The following ECM2 variants were observed in gnomAD, a reference collection of about 807,000 sequenced individuals.
The protein encoded by ECM2 is extracellular matrix protein 2, female organ and adipocyte specific.
ECM2 carries 57 observed loss-of-function variants against 67.5 expected under a neutral mutation model. That is an observed-to-expected ratio of 0.84 (90% CI 0.68 to 1.05). ECM2 has a LOEUF of 1.05. ECM2 is among the 50% of genes least tolerant of loss of function. The pLI, the probability that ECM2 is intolerant of heterozygous loss-of-function variation, is 0.00. For synonymous variants in ECM2, 258 were observed against 294.5 expected, an observed-to-expected ratio of 0.88 and a Z score of 1.27; for missense variants, 741 against 822.8, an observed-to-expected ratio of 0.90 and a Z score of 1.22.
chr9:92,502,620 T>C lies in ECM2; in HGVS notation c.1497A>G (p.Glu499=). 6.3e-7 allele frequency: 1 copy of C among 1,599,598 alleles called. No individual in the cohort carries two copies. The highest frequency in any genetic ancestry group is 8.6e-7 in the Non-Finnish European group (1 of 1,169,220). ...TATGATTGAAACAAATTTCAGTTAT[T>C]TCTTCAATTTGGTTATTTTCTAGGT... is the stretch of plus-strand genomic sequence containing the variant. ...ELYLENNQIE[E]ITEICFNHTR... Residue 499 remains glutamate (E), a synonymous_variant, in exon 8 of 10, where the codon GAA becomes GAG. Coordinates refer to ENST00000344604, the MANE Select transcript of ECM2 (RefSeq NM_001393.4).
intron 6 of ECM2, among the ~76,000 whole-genome samples, chr9:92,507,304 GAATCT>G (rs1847065925): frequency 1.3e-5 from 2 of 152,176 alleles, no homozygotes; most frequent in East Asian, 3.8e-4. Context: ...AAGGTACTGA[GAATCT>G]GACATCTTTC....
At chr9:92,517,202 G>T (rs984819100) in intron 3 of ECM2, 3 of 163,112 alleles carry the variant, frequency 1.8e-5, no homozygotes, top group African/African-American at 7.2e-5. Flanking sequence ...AAGCAGTGAT[G>T]TGGGTTCCTG....
At position 92,514,849 on chromosome 9, in the gene ECM2, CCCT is replaced by C. The variant is rs754026851; in HGVS notation, c.833_835del (p.Glu278del). ...CTCCTCATCCTCCTCACCCTCCTCA[CCCT>C]CCTCCTCCTCATCCTCCTCCTCCTC... On this transcript the variant is annotated inframe_deletion, in exon 4 of 10. Coordinates refer to ENST00000344604, the MANE Select transcript of ECM2 (RefSeq NM_001393.4). 3.7e-6 allele frequency: 6 copies of C among 1,611,634 alleles called. No individual in the cohort carries two copies. Among genetic ancestry groups the C allele is most frequent in the South Asian group, 1.1e-5 (1 of 90,542 alleles).
chr9:92,557,163 C>T, the ECM2 span, among the ~76,000 whole-genome samples: 7 of 152,176 alleles, frequency 4.6e-5, no homozygotes, highest in Admixed American at 2.0e-4. Context: ...TCCCTTCTAG[C>T]TTATAGGGTT....
chr9:92,557,814 TG>T, the ECM2 span, among the ~76,000 whole-genome samples: 1 of 152,082 alleles, frequency 6.6e-6, no homozygotes, highest in Non-Finnish European at 1.5e-5. Flanking sequence ...GACTAATTTT[TG>T]TATTTTTTTA....
intron 2 of ECM2, among the ~76,000 whole-genome samples, chr9:92,519,537 G>GT (rs1346614697): frequency 6.6e-6 from 1 of 152,198 alleles, no homozygotes; most frequent in Non-Finnish European, 1.5e-5. Context: ...TTCAAGAAGG[G>GT]TGTCAAGACC....
At chr9:92,532,039 T>TTTTTTTTTTTTTTTTTG (rs1848826400) in intron 1 of ECM2, among the ~76,000 whole-genome samples, 1 of 141,098 alleles carries the variant, frequency 7.1e-6, no homozygotes. Flanking sequence ...ATTTTATTTT[T>TTTTTTTTTTTTTTTTTG]TTTTTGAGAT....
At chr9:92,496,684 C>T (rs1846363144) in intron 9 of ECM2, among the ~76,000 whole-genome samples, 2 of 152,192 alleles carry the variant, frequency 1.3e-5, no homozygotes, top group African/African-American at 4.8e-5. Flanking sequence ...TGGTCACACC[C>T]TCTGACTCGG....
chr9:92,519,618 T>A (rs1243805339), intron 2 of ECM2, among the ~76,000 whole-genome samples: 1 of 152,168 alleles, frequency 6.6e-6, no homozygotes, highest in African/African-American at 2.4e-5. Flanking sequence ...TGAAGCTGAA[T>A]CCCTACCTTT....
intron 8 of ECM2, among the ~76,000 whole-genome samples, chr9:92,501,600 C>T (rs771431736): frequency 5.3e-5 from 8 of 152,166 alleles, no homozygotes; most frequent in Non-Finnish European, 7.4e-5. Flanking sequence ...ATCTGGGGAA[C>T]GTGGTGAACT....
rs745935577 is a variant in ECM2 at position 92,502,496 on chromosome 9, T to C, written c.1604+17A>G. ...AAGAAATAGTTCAATAAAATTTAAATTGTAGCATGTACTTACTCTTGATTT... is the reference window on the plus strand; with the variant it reads ...AAGAAATAGTTCAATAAAATTTAAACTGTAGCATGTACTTACTCTTGATTT... On this transcript the variant is annotated intron_variant, in intron 8 of 9. Transcript: ENST00000344604. 1 of 1,609,880 alleles carries C rather than the reference T, an allele frequency of 6.2e-7. No homozygotes were observed. Among genetic ancestry groups the C allele is most frequent in the Admixed American group, 1.7e-5 (1 of 59,416 alleles).
At chr9:92,534,357 C>T (rs76264883) in intron 1 of ECM2, among the ~76,000 whole-genome samples, 2,119 of 152,310 alleles carry the variant, frequency 0.014, 55 homozygotes, top group African/African-American at 0.048. Context: ...CCAGAATCAT[C>T]TTCCTCTAGT....
chr9:92,500,630 TC>T (rs1369745193), intron 9 of ECM2, 96 bp downstream of exon 9: 5 of 1,263,054 alleles, frequency 4.0e-6, no homozygotes, highest in African/African-American at 1.5e-5. Flanking sequence ...CATTTTTTTT[TC>T]CCTTAACGTA....
At chr9:92,517,993 T>G (rs532325105) in intron 2 of ECM2, 118 bp from the exon 3 acceptor site, 3 of 1,171,098 alleles carry the variant, frequency 2.6e-6, no homozygotes, top group Non-Finnish European at 3.6e-6. Context: ...GAATTCTATG[T>G]GCATTCATGT....
intron 1 of ECM2, among the ~76,000 whole-genome samples, chr9:92,533,317 A>AT (rs1848938333): frequency 1.9e-5 from 2 of 104,786 alleles, no homozygotes; most frequent in African/African-American, 7.5e-5. Context: ...AAAAAAAAAA[A>AT]AAAAAAAAAA....
At chr9:92,546,748 A>G in the ECM2 span, among the ~76,000 whole-genome samples, 1 of 152,172 alleles carries the variant, frequency 6.6e-6, no homozygotes, top group Non-Finnish European at 1.5e-5. Context: ...ACTATGAACA[A>G]TTTTATGCTA....
At chr9:92,549,507 C>A in the ECM2 span, among the ~76,000 whole-genome samples, 30 of 152,108 alleles carry the variant, frequency 2.0e-4, no homozygotes, top group African/African-American at 7.2e-4. Context: ...ATTAGCTGGG[C>A]GTTGTGGCAC....
At chr9:92,531,975 C>A (rs927631335) in intron 1 of ECM2, among the ~76,000 whole-genome samples, 20 of 146,212 alleles carry the variant, frequency 1.4e-4, no homozygotes, top group African/African-American at 4.4e-4. Flanking sequence ...TTATTGTTGC[C>A]TTCTTCCCAC....
At chr9:92,505,739 C>T (rs750191061) in intron 6 of ECM2, 49 bp from the exon 7 acceptor site, 1 of 1,445,804 alleles carries the variant, frequency 6.9e-7, no homozygotes, top group Non-Finnish European at 9.3e-7. Context: ...AAAAACCATG[C>T]AAATTTTTGT....
Sources: gnomAD v4.1 joint callset for allele counts (sites outside exome capture counted in the v4.1 genomes callset) on GRCh38, gnomAD v4.1.1 for gene constraint, MANE v1.5 for transcripts, NCBI Gene and HGNC (gene_info 2026-07-23, HGNC 2026-07-21) for gene names.